LRRTM4: variants seen among roughly 807,000 people sequenced by gnomAD.
LRRTM4 encodes the protein leucine-rich repeat transmembrane neuronal protein 4.
LRRTM4 carries 25 observed loss-of-function variants against 47.6 expected under a neutral mutation model. The observed-to-expected ratio is 0.53, with a 90% CI of 0.38 to 0.73. The LOEUF (loss-of-function observed/expected upper bound fraction) is 0.73, where lower values mean the gene tolerates loss of function less well. Among genes scored for constraint, LRRTM4 ranks in the 30% least tolerant of loss-of-function variants. LRRTM4 has a pLI of 0.00. For synonymous variants in LRRTM4, 311 were observed against 269.5 expected, an observed-to-expected ratio of 1.15 and a Z score of -1.51; for missense variants, 638 against 713.4, an observed-to-expected ratio of 0.89 and a Z score of 1.20.
In LRRTM4 at chr2:77,073,128, GT is replaced by G. The variant is rs545363492; in HGVS notation, c.1552-324213del. Among the ~76,000 whole-genome samples the G allele has an allele frequency of 4.8e-4, 72 of 151,312 alleles. 1 individual carries two copies. Among genetic ancestry groups the G allele is most frequent in the Non-Finnish European group, 7.5e-4 (51 of 67,822 alleles). On this transcript the variant is annotated intron_variant, in intron 3 of 3. Transcript: ENST00000409884. ...TCCAGGTGATTCATACACCTGCTAT[GT>G]TTCTGATACAGAGGCAAACACTATT...
At chr2:76,920,972 G>A (rs752841498) in intron 3 of LRRTM4, among the ~76,000 whole-genome samples, 3 of 151,958 alleles carry the variant, frequency 2.0e-5, no homozygotes, top group Non-Finnish European at 4.4e-5. Flanking sequence ...CCCTCACCCT[G>A]TTTCTCCCAT....
intron 3 of LRRTM4, among the ~76,000 whole-genome samples, chr2:76,784,891 G>A (rs13422460): frequency 0.64 from 97,910 of 151,966 alleles, 31,768 homozygotes; most frequent in Admixed American, 0.7. Context: ...CATAGAAGCA[G>A]TTATTTTACA....
chr2:76,962,109 C>G (rs1675879808), intron 3 of LRRTM4, among the ~76,000 whole-genome samples: 1 of 151,116 alleles, frequency 6.6e-6, no homozygotes, highest in East Asian at 2.0e-4. Flanking sequence ...GATGATAGAA[C>G]TAAGGCTTGG....
chr2:77,463,183 G>A (rs938910308), intron 3 of LRRTM4, among the ~76,000 whole-genome samples: 3 of 151,920 alleles, frequency 2.0e-5, no homozygotes, highest in Admixed American at 6.6e-5. Context: ...CTACAAACCT[G>A]TACAGTATGT....
chr2:77,433,212 G>A (rs1290138508), intron 3 of LRRTM4, among the ~76,000 whole-genome samples: 2 of 152,284 alleles, frequency 1.3e-5, no homozygotes, highest in African/African-American at 2.4e-5. Context: ...AGATAAAAAT[G>A]TTCAATTGTT....
At chr2:76,867,789 T>A (rs1282929081) in intron 3 of LRRTM4, among the ~76,000 whole-genome samples, 2 of 152,168 alleles carry the variant, frequency 1.3e-5, no homozygotes, top group African/African-American at 2.4e-5. Context: ...TTGTCTGGAA[T>A]AGAATATATT....
Position 76,793,888 on chromosome 2 carries a change from A to C in LRRTM4, c.1552-44972T>G, listed in dbSNP as rs554414231. Among the ~76,000 whole-genome samples, 49 of 152,312 alleles carry C rather than the reference A, an allele frequency of 3.2e-4. No individual in the cohort carries two copies. In the South Asian group the frequency reaches 5.8e-3, roughly 18 times the overall value. On this transcript the variant is annotated intron_variant, in intron 3 of 3. Coordinates refer to ENST00000409884, the MANE Select transcript of LRRTM4 (RefSeq NM_001134745.3). ...AAATACAATTCGTATGATCTAGGGA[A>C]TACAGTATTAGTGGGACAGTAATTG...
intron 3 of LRRTM4, among the ~76,000 whole-genome samples, chr2:77,383,427 T>C (rs1049050521): frequency 6.6e-6 from 1 of 152,062 alleles, no homozygotes; most frequent in African/African-American, 2.4e-5. Flanking sequence ...ACCTTTCTTA[T>C]ACGTGTTCCT....
intron 3 of LRRTM4, among the ~76,000 whole-genome samples, chr2:76,833,638 A>T (rs1331311421): frequency 2.0e-5 from 3 of 151,958 alleles, no homozygotes; most frequent in Non-Finnish European, 2.9e-5. Flanking sequence ...TAATAAATAC[A>T]TATTTGTAAA....
chr2:77,229,471 A>T (rs568858072), intron 3 of LRRTM4, among the ~76,000 whole-genome samples: 68 of 152,274 alleles, frequency 4.5e-4, no homozygotes, highest in Non-Finnish European at 5.6e-4. Context: ...TCCAAATTTG[A>T]CTACCTGTAA....
At chr2:76,812,517 C>T (rs1670763308) in intron 3 of LRRTM4, among the ~76,000 whole-genome samples, 1 of 151,976 alleles carries the variant, frequency 6.6e-6, no homozygotes, top group South Asian at 2.1e-4. Flanking sequence ...GGAATACTTG[C>T]TAAGATTGAA....
At chr2:77,405,541 A>AT (rs1488281975) in intron 3 of LRRTM4, among the ~76,000 whole-genome samples, 1 of 151,990 alleles carries the variant, frequency 6.6e-6, no homozygotes. Context: ...CACTTCCTGC[A>AT]TTTTTTTGCC....
chr2:77,059,926 A>T (rs1402459774), intron 3 of LRRTM4, among the ~76,000 whole-genome samples: 2 of 152,200 alleles, frequency 1.3e-5, no homozygotes, highest in Admixed American at 1.3e-4. Context: ...CAGGAATCTT[A>T]AGAATTAAGA....
intron 3 of LRRTM4, among the ~76,000 whole-genome samples, chr2:77,350,247 A>AC (rs1475665515): frequency 1.4e-5 from 2 of 144,454 alleles, no homozygotes; most frequent in Non-Finnish European, 3.0e-5. Flanking sequence ...AATGGCGTGA[A>AC]CCCGGGAAGC....
At chr2:77,444,970 C>CGA (rs1553445530) in intron 3 of LRRTM4, among the ~76,000 whole-genome samples, 67 of 120,582 alleles carry the variant, frequency 5.6e-4, no homozygotes, top group African/African-American at 2.0e-3. Context: ...CACACACACA[C>CGA]GATCCGGAAA....
chr2:77,152,323 T>C (rs1672451119), intron 3 of LRRTM4, among the ~76,000 whole-genome samples: 1 of 152,086 alleles, frequency 6.6e-6, no homozygotes, highest in Admixed American at 6.6e-5. Context: ...ACACATATCT[T>C]CACTTTTTTG....
At chr2:77,373,791 G>C (rs1558713396) in intron 3 of LRRTM4, among the ~76,000 whole-genome samples, 1 of 151,694 alleles carries the variant, frequency 6.6e-6, no homozygotes, top group Non-Finnish European at 1.5e-5. Flanking sequence ...GAAATCAGGG[G>C]GTTTCTTGCG....
At chr2:76,801,525 G>T (rs879246066) in intron 3 of LRRTM4, among the ~76,000 whole-genome samples, 1 of 152,074 alleles carries the variant, frequency 6.6e-6, no homozygotes, top group African/African-American at 2.4e-5. Context: ...GGTGTGGGGG[G>T]AGGGGGAAGG....
At chr2:77,025,187 CAT>C (rs1678412949) in intron 3 of LRRTM4, among the ~76,000 whole-genome samples, 1 of 152,134 alleles carries the variant, frequency 6.6e-6, no homozygotes, top group South Asian at 2.1e-4. Context: ...CAAGAGATCA[CAT>C]ATATTTAGCT....
Sources: allele counts gnomAD v4.1 joint callset (sites outside exome capture counted in the v4.1 genomes callset), GRCh38; gene constraint gnomAD v4.1.1; transcripts MANE v1.5; gene names NCBI Gene and HGNC (gene_info 2026-07-23, HGNC 2026-07-21).